Variants in LRP1B observed in about 807,000 individuals in gnomAD.
The protein encoded by LRP1B is LDL receptor related protein 1B.
In LRP1B, 217 loss-of-function variants were observed where a neutral mutation model predicts 556.6. The observed-to-expected ratio is 0.39, with a 90% CI of 0.35 to 0.44. The LOEUF is 0.44. LRP1B is among the 20% of genes least tolerant of loss of function. LRP1B has a pLI of 1.00. For synonymous variants in LRP1B, 2,047 were observed against 1,865.8 expected, an observed-to-expected ratio of 1.10 and a Z score of -2.50; for missense variants, 5,053 against 5,620.8, an observed-to-expected ratio of 0.90 and a Z score of 3.23.
At chr2:140,412,072 C>A (rs1684988884) in intron 66 of LRP1B, among the ~76,000 whole-genome samples, 1 of 151,996 alleles carries the variant, frequency 6.6e-6, no homozygotes, top group Non-Finnish European at 1.5e-5. Context: ...GTCACTTTCA[C>A]CAAGTATCAA....
At chr2:142,073,520 G>A (rs1368549109) in intron 1 of LRP1B, among the ~76,000 whole-genome samples, 3 of 151,942 alleles carry the variant, frequency 2.0e-5, no homozygotes, top group African/African-American at 7.2e-5. Context: ...TTGCCTATAT[G>A]AAAAGTAGCT....
chr2:142,123,183 C>A (rs13420312), intron 1 of LRP1B, among the ~76,000 whole-genome samples: 5 of 151,922 alleles, frequency 3.3e-5, no homozygotes, highest in African/African-American at 1.2e-4. Flanking sequence ...TAGGAACACA[C>A]AAAGCAACCA....
chr2:141,944,887 C>T (rs16847711), intron 1 of LRP1B, among the ~76,000 whole-genome samples: 6,707 of 152,168 alleles, frequency 0.044, 175 homozygotes, highest in Middle Eastern at 0.068. Flanking sequence ...TAACTTATCC[C>T]TATTTGCTTT....
chr2:141,011,905 C>T (rs531151797), intron 14 of LRP1B, among the ~76,000 whole-genome samples: 3 of 151,896 alleles, frequency 2.0e-5, no homozygotes, highest in African/African-American at 4.8e-5. Flanking sequence ...ATTTAAAATG[C>T]CTATATGTAG....
At chr2:141,617,843 G>A (rs796755047) in intron 2 of LRP1B, among the ~76,000 whole-genome samples, 32 of 152,224 alleles carry the variant, frequency 2.1e-4, no homozygotes, top group African/African-American at 7.0e-4. Flanking sequence ...ATGTATACAA[G>A]TAATTAACTT....
At chr2:140,316,741 A>T in intron 82 of LRP1B, among the ~76,000 whole-genome samples, 1 of 152,114 alleles carries the variant, frequency 6.6e-6, no homozygotes, top group Admixed American at 6.6e-5. Flanking sequence ...ATGGGAAAAA[A>T]AATATAAAAT....
intron 35 of LRP1B, among the ~76,000 whole-genome samples, chr2:140,745,919 G>A (rs1199844949): frequency 6.6e-6 from 1 of 152,128 alleles, no homozygotes; most frequent in East Asian, 1.9e-4. Flanking sequence ...TGGTAAGGCG[G>A]AAAGAGCATA....
chr2:141,148,409 A>G (rs1201549652), intron 7 of LRP1B, among the ~76,000 whole-genome samples: 1 of 152,212 alleles, frequency 6.6e-6, no homozygotes, highest in East Asian at 1.9e-4. Context: ...GAATTAATCT[A>G]CAGGAGGAAA....
At chr2:140,306,530 T>A (rs535858097) in intron 83 of LRP1B, among the ~76,000 whole-genome samples, 8 of 152,216 alleles carry the variant, frequency 5.3e-5, no homozygotes, top group Admixed American at 5.2e-4. Context: ...TGTGTCTATT[T>A]GATTCTTCTC....
intron 3 of LRP1B, among the ~76,000 whole-genome samples, chr2:141,381,006 G>C (rs1197751069): frequency 6.6e-6 from 1 of 151,270 alleles, no homozygotes; most frequent in East Asian, 1.9e-4. Flanking sequence ...GAAACTAACA[G>C]AGTTAGTTAG....
chr2:140,392,576 C>A (rs1209361713), intron 66 of LRP1B, among the ~76,000 whole-genome samples: 5 of 151,984 alleles, frequency 3.3e-5, no homozygotes, highest in African/African-American at 1.2e-4. Flanking sequence ...CAACCTCTAC[C>A]TCCTGAATTC....
intron 3 of LRP1B, among the ~76,000 whole-genome samples, chr2:141,392,051 T>C (rs1690068599): frequency 6.6e-6 from 1 of 152,136 alleles, no homozygotes; most frequent in Non-Finnish European, 1.5e-5. Context: ...ACCATGGTGT[T>C]TGATGCTATG....
At chr2:141,336,984 T>A (rs142541060) in intron 3 of LRP1B, among the ~76,000 whole-genome samples, 1 of 152,186 alleles carries the variant, frequency 6.6e-6, no homozygotes, top group Non-Finnish European at 1.5e-5. Flanking sequence ...TAGTTATGAG[T>A]ACAGTTACTG....
At chr2:140,422,355 T>C (rs1685482274) in intron 66 of LRP1B, among the ~76,000 whole-genome samples, 1 of 152,174 alleles carries the variant, frequency 6.6e-6, no homozygotes, top group African/African-American at 2.4e-5. Flanking sequence ...TTTTATTTGC[T>C]TGTAATCAAA....
intron 1 of LRP1B, among the ~76,000 whole-genome samples, chr2:141,874,555 C>T (rs78870457): frequency 0.014 from 2,170 of 151,816 alleles, 50 homozygotes; most frequent in African/African-American, 0.049. Flanking sequence ...CAAAACAATC[C>T]CTGGAATTGA....
intron 25 of LRP1B, among the ~76,000 whole-genome samples, chr2:140,871,894 T>C (rs752834514): frequency 1.2e-4 from 19 of 152,212 alleles, no homozygotes; most frequent in Middle Eastern, 3.4e-3. Flanking sequence ...AGCTGAAATA[T>C]GGTAATGACA....
At position 140,702,281 on chromosome 2, in the gene LRP1B, C is replaced by G. The variant is rs1686674300; in HGVS notation, c.6162G>C (p.Leu2054Phe). 1 of 1,613,232 alleles carries G rather than the reference C, an allele frequency of 6.2e-7. No individual in the cohort carries two copies. Among genetic ancestry groups the G allele is most frequent in the East Asian group, 2.2e-5 (1 of 44,862 alleles). ...TGTCTGTGCGAGCATCACACCAGTA[C>G]AATTTATTTTCCTAAATATCGATTA... is the stretch of plus-strand genomic sequence containing the variant. ...GISIDYEENK[L>F]YWCDARTDKI... The change falls in exon 39 of 91, where the codon TTG (leucine) becomes TTC (phenylalanine). Residue 2054 changes from leucine to phenylalanine, a missense_variant. Physicochemically the swap from Leu to Phe is conservative, Grantham distance 22 (BLOSUM62 0). Transcript: ENST00000389484.
chr2:141,789,879 G>A (rs1334501690), intron 2 of LRP1B, among the ~76,000 whole-genome samples: 1 of 151,912 alleles, frequency 6.6e-6, no homozygotes, highest in East Asian at 1.9e-4. Context: ...GAGACTAAAA[G>A]GACTCCAAAT....
At chr2:141,544,378 T>TCCTCCTC (rs1685461458) in intron 2 of LRP1B, among the ~76,000 whole-genome samples, 2 of 111,132 alleles carry the variant, frequency 1.8e-5, no homozygotes, top group African/African-American at 6.3e-5. Flanking sequence ...TTCTTCTTCT[T>TCCTCCTC]CTTCTCCTCC....
Sources: allele counts gnomAD v4.1 joint callset (sites outside exome capture counted in the v4.1 genomes callset), GRCh38; gene constraint gnomAD v4.1.1; transcripts MANE v1.5; gene names NCBI Gene and HGNC (gene_info 2026-07-23, HGNC 2026-07-21).